ACAA2: variants seen among roughly 807,000 people sequenced by gnomAD.
ACAA2 encodes acetyl-CoA acyltransferase 2, also known as 3-ketoacyl-CoA thiolase, mitochondrial.
In ACAA2, 35 loss-of-function variants were observed where a neutral mutation model predicts 44.8. That is an observed-to-expected ratio of 0.78 (90% CI 0.60 to 1.04). ACAA2 has a LOEUF of 1.04. ACAA2 is among the 50% of genes least tolerant of loss of function. ACAA2 has a pLI of 0.00. For synonymous variants in ACAA2, 142 were observed against 166.5 expected, an observed-to-expected ratio of 0.85 and a Z score of 1.13; for missense variants, 468 against 482.6, an observed-to-expected ratio of 0.97 and a Z score of 0.28.
At chr18:49,787,420 C>A in intron 7 of ACAA2, 59 bp from the exon 8 acceptor site, 1 of 1,181,400 alleles carries the variant, frequency 8.5e-7, no homozygotes, top group Non-Finnish European at 1.1e-6. Context: ...CTTATATTTA[C>A]GTATCAAGCT....
chr18:49,792,236 A>G lies in ACAA2; in HGVS notation c.669T>C (p.Ala223=), dbSNP rs2023411051. Residue 223 remains alanine, a synonymous_variant, in exon 6 of 10, where the codon GCT becomes GCC. Coordinates refer to ENST00000285093, the MANE Select transcript of ACAA2 (RefSeq NM_006111.3). The part of the protein sequence containing the change: ...GKQTMQVDEH[A]RPQTTLEQLQ... Reference sequence around the variant, plus strand: ...ACTGTTCCAGGGTGGTTTGGGGCCGAGCATGCTCGTCTACCTGCATTGTCT... The same window carrying G: ...ACTGTTCCAGGGTGGTTTGGGGCCGGGCATGCTCGTCTACCTGCATTGTCT... 6.2e-7 allele frequency: 1 copy of G among 1,613,892 alleles called. No individual in the cohort carries two copies. The highest frequency in any genetic ancestry group is 8.5e-7 in the Non-Finnish European group (1 of 1,179,962).
At chr18:49,795,630 C>A in intron 4 of ACAA2, 135 bp downstream of exon 4, 2 of 517,088 alleles carry the variant, frequency 3.9e-6, no homozygotes, top group East Asian at 3.2e-5. Context: ...AACTTCTAAT[C>A]ATTCATATCT....
At chr18:49,791,156 G>A (rs1281949274) in intron 7 of ACAA2, among the ~76,000 whole-genome samples, 1 of 152,126 alleles carries the variant, frequency 6.6e-6, no homozygotes, top group Non-Finnish European at 1.5e-5. Context: ...TCAGGATCAC[G>A]TAATTCTTCT....
chr18:49,800,456 G>A (rs552859223), intron 2 of ACAA2, among the ~76,000 whole-genome samples: 2 of 152,184 alleles, frequency 1.3e-5, no homozygotes, highest in Admixed American at 6.5e-5. Context: ...GAGTAGAAAG[G>A]GGGGAAAGGT....
intron 1 of ACAA2, among the ~76,000 whole-genome samples, chr18:49,812,225 A>G (rs775825411): frequency 9.9e-5 from 15 of 152,190 alleles, no homozygotes; most frequent in Middle Eastern, 3.2e-3. Context: ...ATTTGTTCCC[A>G]TGCCACTTTG....
At position 49,813,265 on chromosome 18, in the gene ACAA2, G is replaced by A. The variant is rs565982110; in HGVS notation, c.16+204C>T. Among the ~76,000 whole-genome samples, 22 of 152,374 alleles carry A rather than the reference G, an allele frequency of 1.4e-4. No individual in the cohort carries two copies. The South Asian group carries it at 4.3e-3, about 30-fold the overall frequency. On this transcript the variant is annotated intron_variant, in intron 1 of 9. Coordinates refer to ENST00000285093, the MANE Select transcript of ACAA2 (RefSeq NM_006111.3). Reference sequence around the variant, plus strand: ...AGGAAATTGCACCGAAATCGCTGTCGCTAGCGCCTTACAAGTAAGGGTTTT... The same window carrying A: ...AGGAAATTGCACCGAAATCGCTGTCACTAGCGCCTTACAAGTAAGGGTTTT...
intron 2 of ACAA2, among the ~76,000 whole-genome samples, chr18:49,800,890 TAAA>T (rs5824805): frequency 8.3e-6 from 1 of 121,096 alleles, no homozygotes; most frequent in South Asian, 2.7e-4. Flanking sequence ...GAATGATCAA[TAAA>T]AAAAAAAAAA....
At chr18:49,789,238 G>A (rs764879322) in intron 7 of ACAA2, among the ~76,000 whole-genome samples, 1 of 152,076 alleles carries the variant, frequency 6.6e-6, no homozygotes, top group Non-Finnish European at 1.5e-5. Context: ...TAGTCATTAG[G>A]TAATCATGGA....
intron 1 of ACAA2, among the ~76,000 whole-genome samples, chr18:49,805,486 G>C (rs987061728): frequency 1.3e-5 from 2 of 152,118 alleles, no homozygotes; most frequent in Non-Finnish European, 2.9e-5. Flanking sequence ...TGGTTATTCT[G>C]TACCATGATG....
chr18:49,793,723 CCT>C (rs1198237655), intron 5 of ACAA2, among the ~76,000 whole-genome samples: 2 of 152,198 alleles, frequency 1.3e-5, no homozygotes, highest in Non-Finnish European at 2.9e-5. Context: ...GTCACATTTG[CCT>C]GTTTTGGACC....
intron 6 of ACAA2, 142 bp downstream of exon 6, chr18:49,792,010 C>A (rs888454148): frequency 1.3e-5 from 7 of 544,998 alleles, no homozygotes; most frequent in South Asian, 1.1e-4. Context: ...TCTATGAAAA[C>A]CTAAATTAAT....
intron 5 of ACAA2, among the ~76,000 whole-genome samples, chr18:49,793,727 T>C (rs973022902): frequency 2.6e-5 from 4 of 152,228 alleles, no homozygotes; most frequent in Non-Finnish European, 5.9e-5. Context: ...CATTTGCCTG[T>C]TTTGGACCGG....
chr18:49,802,170 C>G (rs1429026608), intron 2 of ACAA2, among the ~76,000 whole-genome samples: 2 of 152,136 alleles, frequency 1.3e-5, no homozygotes, highest in African/African-American at 4.8e-5. Context: ...TGAAATGCAT[C>G]CCAAGTCAGA....
chr18:49,800,306 C>G (rs948511708), intron 2 of ACAA2, among the ~76,000 whole-genome samples: 8 of 150,924 alleles, frequency 5.3e-5, no homozygotes, highest in African/African-American at 1.7e-4. Flanking sequence ...CCAGCCGCCC[C>G]GTCCGGGAGG....
chr18:49,808,292 C>T (rs1249538764), intron 1 of ACAA2, among the ~76,000 whole-genome samples: 1 of 152,208 alleles, frequency 6.6e-6, no homozygotes, highest in Non-Finnish European at 1.5e-5. Flanking sequence ...GACACTTTGG[C>T]AGTTTCTTAT....
In ACAA2 at chr18:49,794,327, T is replaced by A; in HGVS notation, c.530A>T (p.Glu177Val). The A allele has an allele frequency of 1.9e-6, 3 of 1,610,658 alleles. No individual in the cohort carries two copies. Among genetic ancestry groups the A allele is most frequent in the Non-Finnish European group, 2.5e-6 (3 of 1,179,506 alleles). The change falls in exon 5 of 10, where the codon GAA becomes GTA. Residue 177 changes from glutamate (E) to valine (V), a missense_variant. Coordinates refer to ENST00000285093, the MANE Select transcript of ACAA2 (RefSeq NM_006111.3). ...NLAVKHKISR[E>V]ECDKYALQSQ... ...CTGCAGGGCATATTTGTCACATTCT[T>A]CTCTGCTTATTTTGTGTTTTACAGC...
intron 5 of ACAA2, among the ~76,000 whole-genome samples, chr18:49,793,662 T>A (rs2023432007): frequency 6.6e-6 from 1 of 152,232 alleles, no homozygotes; most frequent in African/African-American, 2.4e-5. Context: ...AACAGTTTAA[T>A]TTTTTAAATA....
At position 49,795,750 on chromosome 18, in the gene ACAA2, T is replaced by G; in HGVS notation, c.429+15A>C. ...CTAATAAGAACTAATTCTTTTAAAT[T>G]TTTATGGTTCCAACCTTGATATCTG... is the stretch of plus-strand genomic sequence containing the variant. On this transcript the variant is annotated intron_variant, in intron 4 of 9. Transcript: ENST00000285093. 6.7e-7 allele frequency: 1 copy of G among 1,501,198 alleles called. No individual in the cohort carries two copies. The allele number at this position is 1,501,198 out of a possible 1,614,324, so 93.0% of individuals were successfully genotyped here.
intron 2 of ACAA2, among the ~76,000 whole-genome samples, chr18:49,799,007 T>C (rs2023497211): frequency 6.6e-6 from 1 of 152,190 alleles, no homozygotes; most frequent in Non-Finnish European, 1.5e-5. Context: ...TTGAGTTTAA[T>C]ATTATTAAAT....
Sources: allele counts gnomAD v4.1 joint callset (sites outside exome capture counted in the v4.1 genomes callset), GRCh38; gene constraint gnomAD v4.1.1; transcripts MANE v1.5; gene names NCBI Gene and HGNC (gene_info 2026-07-23, HGNC 2026-07-21).